The following GSE1 variants were observed in gnomAD, a reference collection of about 807,000 sequenced individuals.
The protein encoded by GSE1 is genetic suppressor element 1.
In GSE1, 32 loss-of-function variants were observed where a neutral mutation model predicts 112.6. The ratio of observed to expected loss-of-function variants is 0.28; its 90% CI spans 0.21 to 0.38. The LOEUF is 0.38. GSE1 is among the 10% of genes least tolerant of loss of function. The pLI, the probability that GSE1 is intolerant of heterozygous loss-of-function variation, is 1.00. For synonymous variants in GSE1, 1,115 were observed against 735.6 expected, an observed-to-expected ratio of 1.52 and a Z score of -8.35; for missense variants, 2,348 against 1,699.2, an observed-to-expected ratio of 1.38 and a Z score of -6.71.
chr16:85,639,415 C>T (rs189848229), intron 2 of GSE1, among the ~76,000 whole-genome samples: 1 of 152,318 alleles, frequency 6.6e-6, no homozygotes, highest in Admixed American at 6.5e-5. Flanking sequence ...CTAGGAGTCC[C>T]AAGACTGGGG....
At chr16:85,492,162 G>C (rs1370424499) in intron 2 of GSE1, among the ~76,000 whole-genome samples, 1 of 152,236 alleles carries the variant, frequency 6.6e-6, no homozygotes, top group East Asian at 1.9e-4. Context: ...CTGCTTGTCA[G>C]AACCAGCTTT....
chr16:85,636,807 C>T (rs1033881955), intron 2 of GSE1, among the ~76,000 whole-genome samples: 7 of 152,140 alleles, frequency 4.6e-5, no homozygotes, highest in East Asian at 1.9e-4. Context: ...AGGGAGCTGG[C>T]GTTGGGCGCA....
At chr16:85,632,923 G>T (rs1298506044) in intron 1 of GSE1, among the ~76,000 whole-genome samples, 1 of 152,222 alleles carries the variant, frequency 6.6e-6, no homozygotes, top group Non-Finnish European at 1.5e-5. Flanking sequence ...CACGGGGTGG[G>T]CGGACTGAGG....
chr16:85,422,305 C>G (rs1050253609), intron 2 of GSE1, among the ~76,000 whole-genome samples: 1 of 152,166 alleles, frequency 6.6e-6, no homozygotes, highest in African/African-American at 2.4e-5. Flanking sequence ...GGATCCTCCC[C>G]GCACAGGCGA....
intron 2 of GSE1, among the ~76,000 whole-genome samples, chr16:85,411,066 C>T (rs62050363): frequency 8.8e-3 from 563 of 63,984 alleles, no homozygotes; most frequent in East Asian, 0.016. Flanking sequence ...TAATCCTCAC[C>T]GTTGCACTCA....
chr16:85,170,576 G>T, exon 1 of GSE1: 2 of 985,634 alleles, frequency 2.0e-6, no homozygotes, highest in South Asian at 4.7e-5. Context: ...AACAGTGGCC[G>T]TGTCCCCCGG....
intron 2 of GSE1, among the ~76,000 whole-genome samples, chr16:85,641,622 C>T (rs1046784807): frequency 1.3e-5 from 2 of 152,382 alleles, no homozygotes. Flanking sequence ...ACCAGGGCTG[C>T]GGTGACTCCA....
exon 1 of GSE1, chr16:85,171,096 C>A (rs1386766734): frequency 9.1e-6 from 9 of 985,692 alleles, no homozygotes; most frequent in Non-Finnish European, 1.1e-5. Flanking sequence ...ACGCCCAGGG[C>A]CCCAACAAGC....
intron 2 of GSE1, 55 bp from the exon 3 acceptor site, chr16:85,648,497 C>G: frequency 2.2e-6 from 2 of 903,560 alleles, no homozygotes; most frequent in South Asian, 1.7e-5. Flanking sequence ...CCAGCTGGCA[C>G]TGCACGTGGC....
In GSE1 at chr16:85,456,579, C is replaced by CGTGTGTGTGTGTGTGTGTGT. The variant is rs35279881; in HGVS notation, c.2464+98978_2464+98997dup. Reference sequence around the variant, plus strand: ...AGGGAGGGGAGGGTCATTTTCCTGCCGTGTGTGTGTGTGTGTGTGTGTGTG... The same window carrying CGTGTGTGTGTGTGTGTGTGT: ...AGGGAGGGGAGGGTCATTTTCCTGCCGTGTGTGTGTGTGTGTGTGTGTGTGTGTGTGTGTGTGTGTGTGTG... On this transcript the variant is annotated intron_variant, in intron 2 of 2. Coordinates refer to the GSE1 transcript ENST00000637419. Among the ~76,000 whole-genome samples the CGTGTGTGTGTGTGTGTGTGT allele has an allele frequency of 7.1e-4, 65 of 91,552 alleles. 2 individuals carry two copies. The highest frequency in any genetic ancestry group is 1.3e-3 in the African/African-American group (33 of 25,426). 60.1% of individuals were successfully genotyped at this position (91,552 alleles called of 152,430 possible).
At chr16:85,636,691 G>C (rs1425151601) in intron 2 of GSE1, among the ~76,000 whole-genome samples, 1 of 152,158 alleles carries the variant, frequency 6.6e-6, no homozygotes, top group East Asian at 1.9e-4. Context: ...GCCTTCCCGG[G>C]GGGGGGCTGG....
chr16:85,264,384 C>T (rs1023665810), intron 1 of GSE1, among the ~76,000 whole-genome samples: 8 of 152,180 alleles, frequency 5.3e-5, no homozygotes, highest in African/African-American at 1.4e-4. Flanking sequence ...CCTGGCCTCA[C>T]GCTGGGCAGG....
intron 2 of GSE1, among the ~76,000 whole-genome samples, chr16:85,390,702 G>T (rs1597579067): frequency 1.4e-5 from 1 of 72,398 alleles, no homozygotes; most frequent in Non-Finnish European, 2.7e-5. Flanking sequence ...GCCTTGTTCT[G>T]CCCCCCCCAC....
Position 85,674,236 on chromosome 16 carries a change from A to G in GSE1, c.*1697A>G, listed in dbSNP as rs568397220. 1 of 152,270 alleles carries G rather than the reference A, an allele frequency of 6.6e-6. No homozygotes were observed. Among genetic ancestry groups the G allele is most frequent in the Non-Finnish European group, 1.5e-5 (1 of 68,090 alleles). 9.4% of individuals were successfully genotyped at this position (152,270 alleles called of 1,614,324 possible). A position where few individuals can be genotyped will look rare whatever the true frequency, so the allele number is the denominator to read the frequency against. On this transcript the variant is annotated 3_prime_UTR_variant, in exon 16 of 16. Transcript: ENST00000253458. ...CTTGGCCCTAGCCCTTGCTGCGCAG[A>G]ACAGCTTGCTGGCAGCTGGCATCGT...
intron 2 of GSE1, among the ~76,000 whole-genome samples, chr16:85,511,893 C>T (rs533338389): frequency 1.3e-4 from 20 of 152,260 alleles, no homozygotes; most frequent in African/African-American, 4.8e-4. Context: ...TTTTGGCCTC[C>T]AGATCTGTGA....
chr16:85,508,608 G>T (rs141494503), intron 2 of GSE1, among the ~76,000 whole-genome samples: 1 of 152,176 alleles, frequency 6.6e-6, no homozygotes, highest in Non-Finnish European at 1.5e-5. Context: ...GGCAGGGCCC[G>T]CGGCCTCTAA....
At chr16:85,510,560 C>G (rs2051707910) in intron 2 of GSE1, among the ~76,000 whole-genome samples, 1 of 152,192 alleles carries the variant, frequency 6.6e-6, no homozygotes, top group African/African-American at 2.4e-5. Flanking sequence ...TCAGCAGGGG[C>G]CGGGGCTGTT....
intron 1 of GSE1, among the ~76,000 whole-genome samples, chr16:85,209,296 T>C (rs1377446719): frequency 1.3e-5 from 2 of 152,150 alleles, no homozygotes; most frequent in Non-Finnish European, 2.9e-5. Flanking sequence ...TTAAGGAACT[T>C]GCCCAAAGTG....
chr16:85,400,285 TTGTG>T (rs558588215), intron 2 of GSE1, among the ~76,000 whole-genome samples: 3,505 of 140,580 alleles, frequency 0.025, 198 homozygotes, highest in Admixed American at 0.14. Context: ...GTGTGTGTAA[TTGTG>T]TGTGTGTGTT....
Sources: allele counts gnomAD v4.1 joint callset (sites outside exome capture counted in the v4.1 genomes callset), GRCh38; gene constraint gnomAD v4.1.1; transcripts MANE v1.5; gene names NCBI Gene and HGNC (gene_info 2026-07-23, HGNC 2026-07-21).